RBFOX1: variants seen among roughly 807,000 people sequenced by gnomAD.
The protein encoded by RBFOX1 is RNA binding fox-1 homolog 1.
A neutral mutation model predicts 57.7 loss-of-function variants in RBFOX1; 8 were observed. That is an observed-to-expected ratio of 0.14 (90% CI 0.08 to 0.25). The LOEUF is 0.25. RBFOX1 is among the 10% of genes least tolerant of loss of function. The pLI is 1.00. For missense variants in RBFOX1, 611 were observed against 548.5 expected, an observed-to-expected ratio of 1.11 and a Z score of -1.14; for synonymous variants, 326 against 222.4, an observed-to-expected ratio of 1.47 and a Z score of -4.15.
intron 4 of RBFOX1, among the ~76,000 whole-genome samples, chr16:7,284,500 T>A (rs1393935560): frequency 6.6e-6 from 1 of 152,050 alleles, no homozygotes; most frequent in African/African-American, 2.4e-5. Context: ...CTGGTTAATT[T>A]TTTAACTTCT....
At chr16:7,245,970 G>C (rs1198808857) in intron 4 of RBFOX1, among the ~76,000 whole-genome samples, 1 of 152,162 alleles carries the variant, frequency 6.6e-6, no homozygotes, top group African/African-American at 2.4e-5. Context: ...CTGAAAAAAA[G>C]TATAGATTGC....
chr16:6,800,743 T>G (rs551483246), intron 3 of RBFOX1, among the ~76,000 whole-genome samples: 1 of 152,306 alleles, frequency 6.6e-6, no homozygotes, highest in African/African-American at 2.4e-5. Context: ...TTAGATAAAG[T>G]ACAAAGTAAG....
In RBFOX1 at chr16:6,847,849, T is replaced by G. The variant is rs139545761; in HGVS notation, c.-16+193199T>G. On this transcript the variant is annotated intron_variant, in intron 3 of 15. Coordinates refer to ENST00000550418, the MANE Select transcript of RBFOX1 (RefSeq NM_018723.4). The stretch of plus-strand genomic sequence containing the variant: ...ACCAAGACTTCCTTTTGGTGGTGGT[T>G]GTTGTTGAAATGGAGTCTTGGTCTG... Among the ~76,000 whole-genome samples, 157 of 152,010 alleles carry G rather than the reference T, an allele frequency of 1.0e-3. 1 individual carries two copies. The highest frequency in any genetic ancestry group is 1.9e-3 in the African/African-American group (77 of 41,494).
At chr16:6,322,077 T>C (rs2081872176) in intron 2 of RBFOX1, among the ~76,000 whole-genome samples, 1 of 152,226 alleles carries the variant, frequency 6.6e-6, no homozygotes, top group Admixed American at 6.5e-5. Context: ...TCTTTGTTTT[T>C]CATCCGCCAC....
chr16:7,564,412 A>ATTAC (rs2091187686), intron 5 of RBFOX1, among the ~76,000 whole-genome samples: 1 of 151,778 alleles, frequency 6.6e-6, no homozygotes, highest in Non-Finnish European at 1.5e-5. Context: ...GTGGCACCAG[A>ATTAC]CACCTGTAAT....
At chr16:7,187,132 G>C (rs1304449617) in intron 4 of RBFOX1, among the ~76,000 whole-genome samples, 1 of 151,866 alleles carries the variant, frequency 6.6e-6, no homozygotes, top group Admixed American at 6.6e-5. Context: ...TGGTGCCACT[G>C]CACTCCAGCT....
chr16:5,663,886 T>C (rs532780951), intron 3 of RBFOX1, among the ~76,000 whole-genome samples: 1 of 152,332 alleles, frequency 6.6e-6, no homozygotes, highest in Admixed American at 6.5e-5. Context: ...GAAGCTTCCC[T>C]TGATGCTCCT....
At chr16:6,694,567 C>A (rs2060732845) in intron 3 of RBFOX1, among the ~76,000 whole-genome samples, 1 of 151,988 alleles carries the variant, frequency 6.6e-6, no homozygotes, top group Non-Finnish European at 1.5e-5. Context: ...TCACTGAGGG[C>A]CTCTTTACTG....
Position 5,780,004 on chromosome 16 carries a change from A to T in RBFOX1, c.319-87299A>T, listed in dbSNP as rs139231362. On this transcript the variant is annotated intron_variant, in intron 3 of 19. Transcript: ENST00000641259. ...TGTATACCTTAAAAGCATGTTTGCTATTATTATTGTTATTTTCAAGACGGA... is the reference window on the plus strand; with the variant it reads ...TGTATACCTTAAAAGCATGTTTGCTTTTATTATTGTTATTTTCAAGACGGA... Among the ~76,000 whole-genome samples the T allele has an allele frequency of 9.1e-4, 139 of 152,280 alleles. 1 individual carries two copies. Among genetic ancestry groups the T allele is most frequent in the African/African-American group, 3.2e-3 (134 of 41,550 alleles).
chr16:6,308,995 A>C (rs1323969546), intron 1 of RBFOX1, among the ~76,000 whole-genome samples: 2 of 152,052 alleles, frequency 1.3e-5, no homozygotes, highest in African/African-American at 4.8e-5. Context: ...GATATTTCCC[A>C]GCTGAAAAGA....
At chr16:6,267,404 G>T (rs1037525660) in intron 1 of RBFOX1, among the ~76,000 whole-genome samples, 2 of 152,098 alleles carry the variant, frequency 1.3e-5, no homozygotes, top group African/African-American at 4.8e-5. Flanking sequence ...CTCCTCTTCT[G>T]TTCCTTATAG....
At chr16:5,277,167 G>A (rs1283817523) in intron 1 of RBFOX1, among the ~76,000 whole-genome samples, 1 of 152,134 alleles carries the variant, frequency 6.6e-6, no homozygotes, top group African/African-American at 2.4e-5. Flanking sequence ...CAACCTGGAT[G>A]GAGTTGGAGA....
At chr16:7,003,951 A>G (rs565922902) in intron 3 of RBFOX1, 1 of 104,308 alleles carries the variant, frequency 9.6e-6, no homozygotes, top group South Asian at 2.5e-4. Flanking sequence ...GCTTTCTTTT[A>G]AAAAAACATC....
At chr16:7,646,240 C>G (rs1235874505) in intron 11 of RBFOX1, among the ~76,000 whole-genome samples, 3 of 152,172 alleles carry the variant, frequency 2.0e-5, no homozygotes, top group Non-Finnish European at 2.9e-5. Flanking sequence ...TGCCCTGCCT[C>G]GGAAATTGCT....
intron 3 of RBFOX1, among the ~76,000 whole-genome samples, chr16:6,951,148 C>T (rs1000091886): frequency 1.3e-5 from 2 of 152,136 alleles, no homozygotes; most frequent in African/African-American, 4.8e-5. Context: ...CTCAACAAAT[C>T]CTCCAGCATC....
chr16:5,739,482 G>A (rs2052699824), intron 3 of RBFOX1, among the ~76,000 whole-genome samples: 1 of 152,224 alleles, frequency 6.6e-6, no homozygotes, highest in Admixed American at 6.5e-5. Context: ...TAATGTTCGG[G>A]AGAAAAGAAA....
rs550514127 is a variant in RBFOX1 at position 5,413,330 on chromosome 16, G to T, written c.220-53886G>T. Among the ~76,000 whole-genome samples the T allele has an allele frequency of 2.0e-5, 3 of 152,254 alleles. No individual in the cohort carries two copies. In the East Asian group the frequency reaches 5.8e-4, roughly 29 times the overall value. ...TTTTCTTTCTTTCGTTTCCCAGAAA[G>T]GGCTTTATTTTCTTTCTCCTCATTA... On this transcript the variant is annotated intron_variant, in intron 1 of 2. Coordinates refer to the RBFOX1 transcript ENST00000585867.
chr16:7,111,817 G>C (rs1266474494), intron 4 of RBFOX1, among the ~76,000 whole-genome samples: 2 of 151,834 alleles, frequency 1.3e-5, no homozygotes, highest in Non-Finnish European at 2.9e-5. Context: ...CCCCAAAGGA[G>C]AGAAGTAAAC....
chr16:5,912,645 T>C (rs993083158), intron 4 of RBFOX1, among the ~76,000 whole-genome samples: 2 of 152,248 alleles, frequency 1.3e-5, no homozygotes, highest in African/African-American at 4.8e-5. Context: ...AGTATAATTA[T>C]TTCCTATTTG....
Sources: gnomAD v4.1 joint callset for allele counts (sites outside exome capture counted in the v4.1 genomes callset) on GRCh38, gnomAD v4.1.1 for gene constraint, MANE v1.5 for transcripts, NCBI Gene and HGNC (gene_info 2026-07-23, HGNC 2026-07-21) for gene names.